The following SLC25A37 variants were observed in gnomAD, a reference collection of about 807,000 sequenced individuals.
The protein encoded by SLC25A37 is solute carrier family 25 member 37, also known as mitoferrin-1.
In SLC25A37, 17 loss-of-function variants were observed where a neutral mutation model predicts 31.0. The observed-to-expected ratio is 0.55, with a 90% CI of 0.38 to 0.82. SLC25A37 has a LOEUF of 0.82. Among genes scored for constraint, SLC25A37 ranks in the 40% least tolerant of loss-of-function variants. The pLI is 0.00. For missense variants in SLC25A37, 404 were observed against 465.8 expected (o/e 0.87, Z 1.22); for synonymous variants, 222 against 193.0 (o/e 1.15, Z -1.24).
chr8:23,567,826 GTTTTTTTTTTTTTT>G (rs542715318), intron 2 of SLC25A37: 5 of 111,632 alleles, frequency 4.5e-5, no homozygotes, highest in Admixed American at 1.8e-4. Flanking sequence ...CTCTTGCCCA[GTTTTTTTTTTTTTT>G]TTTTTTTTTT....
At chr8:23,566,665 C>A in intron 2 of SLC25A37, 1 of 1,061,420 alleles carries the variant, frequency 9.4e-7, no homozygotes, top group Non-Finnish European at 1.1e-6. Flanking sequence ...AATTAATGAT[C>A]AGACATAGGA....
At chr8:23,569,605 CCAT>C (rs1802767148) in intron 3 of SLC25A37, among the ~76,000 whole-genome samples, 1 of 152,226 alleles carries the variant, frequency 6.6e-6, no homozygotes, top group African/African-American at 2.4e-5. Context: ...CGCAGTGTGT[CCAT>C]CACTGTTCTT....
intron 3 of SLC25A37, among the ~76,000 whole-genome samples, chr8:23,570,427 G>T (rs1802792642): frequency 6.6e-6 from 1 of 151,884 alleles, no homozygotes; most frequent in Non-Finnish European, 1.5e-5. Context: ...GGGGTGGGGT[G>T]GAGAGGAAAC....
At chr8:23,531,048 G>T (rs1440820592) in intron 1 of SLC25A37, among the ~76,000 whole-genome samples, 1 of 152,212 alleles carries the variant, frequency 6.6e-6, no homozygotes, top group Admixed American at 6.5e-5. Context: ...AATGGTAGAA[G>T]GAGCCGGTCT....
intron 1 of SLC25A37, among the ~76,000 whole-genome samples, chr8:23,534,978 C>T (rs1290657542): frequency 6.6e-6 from 1 of 152,218 alleles, no homozygotes; most frequent in African/African-American, 2.4e-5. Flanking sequence ...TTCGTCCCCA[C>T]CCGACTCAAG....
At chr8:23,535,248 T>A (rs1275302333) in intron 1 of SLC25A37, among the ~76,000 whole-genome samples, 1 of 152,184 alleles carries the variant, frequency 6.6e-6, no homozygotes, top group African/African-American at 2.4e-5. Flanking sequence ...CTGCCTCCAA[T>A]GCGCATGCTC....
intron 1 of SLC25A37, among the ~76,000 whole-genome samples, chr8:23,541,069 G>A (rs1801882460): frequency 6.6e-6 from 1 of 152,220 alleles, no homozygotes; most frequent in Admixed American, 6.5e-5. Flanking sequence ...TCTCCCATCT[G>A]TTGAGCCAAG....
rs1042202108 is a variant in SLC25A37, at chr8:23,573,725, C to T, written c.*1870C>T. On this transcript the variant is annotated 3_prime_UTR_variant, in exon 4 of 4. Transcript: ENST00000519973. ...GGATGGGAAAGAGCCAAACTGGGTA[C>T]CTCCCACGTGTGCCCCGTGAACAGC... The T allele has an allele frequency of 6.8e-6, 3 of 441,760 alleles. No homozygotes were observed. The highest frequency in any genetic ancestry group is 4.0e-5 in the African/African-American group (2 of 49,692). The allele number at this position is 441,760 out of a possible 1,614,324, so 27.4% of individuals were successfully genotyped here. A position where few individuals can be genotyped will look rare whatever the true frequency, so the allele number is the denominator to read the frequency against.
intron 1 of SLC25A37, among the ~76,000 whole-genome samples, chr8:23,546,534 TATATATATATATATATATA>T (rs1802051079): frequency 4.6e-4 from 3 of 6,500 alleles, no homozygotes; most frequent in Admixed American, 2.6e-3. Context: ...TATAGGTGTA[TATATATATATATATATATA>T]GTGTATATAT....
In SLC25A37 at chr8:23,571,659, A is replaced by G; in HGVS notation, c.821A>G (p.Asn274Ser). 1.9e-6 allele frequency: 3 copies of G among 1,613,940 alleles called. No homozygotes were observed. The highest frequency in any genetic ancestry group is 1.1e-5 in the South Asian group (1 of 91,076). The change falls in exon 4 of 4, where the codon AAC becomes AGC. Residue 274 changes from asparagine to serine, a missense_variant. Asn to Ser is a conservative substitution (Grantham distance 46, BLOSUM62 1). Around this residue, in one of 3 missense-constraint regions of SLC25A37, gnomAD observed 243 missense variants for 284.4 expected, o/e 0.85. Coordinates refer to ENST00000519973, the MANE Select transcript of SLC25A37 (RefSeq NM_016612.4). The stretch of plus-strand genomic sequence containing the variant: ...GAGAACGTGGCCCTCTCGCTGGCCA[A>G]CATCAGCGGCCGGCTGTCGGGTATG... The part of the protein sequence containing the change: ...TQENVALSLA[N>S]ISGRLSGMAN...
At chr8:23,536,540 A>G (rs1160450423) in intron 1 of SLC25A37, among the ~76,000 whole-genome samples, 2 of 150,936 alleles carry the variant, frequency 1.3e-5, no homozygotes, top group Non-Finnish European at 3.0e-5. Flanking sequence ...CTTCCACCTC[A>G]TTTTCCCCAG....
At chr8:23,542,442 G>A (rs577881106) in intron 1 of SLC25A37, among the ~76,000 whole-genome samples, 7 of 145,402 alleles carry the variant, frequency 4.8e-5, no homozygotes, top group South Asian at 2.2e-4. Flanking sequence ...GAAGTGGCGC[G>A]ATCTCGGCTT....
At position 23,572,620 on chromosome 8, in the gene SLC25A37, C is replaced by CT. The variant is rs5890117; in HGVS notation, c.*774dup. On this transcript the variant is annotated 3_prime_UTR_variant, in exon 4 of 4. Coordinates refer to ENST00000519973, the MANE Select transcript of SLC25A37 (RefSeq NM_016612.4). The stretch of plus-strand genomic sequence containing the variant: ...ATAATGATATGTCACTTGCAGCTAC[C>CT]TTTTTTTTTCTTTTAAATTCAATCA... 0.62 allele frequency: 93,803 copies of CT among 151,298 alleles called. 30,315 individuals are homozygous for CT. Among genetic ancestry groups the CT allele is most frequent in the African/African-American group, 0.79 (32,572 of 41,112 alleles). 9.4% of individuals were successfully genotyped at this position (151,298 alleles called of 1,614,324 possible).
intron 1 of SLC25A37, among the ~76,000 whole-genome samples, chr8:23,538,464 G>C (rs1027519740): frequency 7.3e-5 from 11 of 150,114 alleles, no homozygotes; most frequent in African/African-American, 2.7e-4. Flanking sequence ...TTTTGCATTG[G>C]TTTTGAATCC....
chr8:23,561,653 C>G (rs1408126720), intron 1 of SLC25A37, among the ~76,000 whole-genome samples: 5 of 152,238 alleles, frequency 3.3e-5, no homozygotes, highest in African/African-American at 1.2e-4. Flanking sequence ...CAGCCACTCC[C>G]TCCATAGGTC....
chr8:23,560,659 G>A (rs1263042765), intron 1 of SLC25A37, among the ~76,000 whole-genome samples: 1 of 152,138 alleles, frequency 6.6e-6, no homozygotes, highest in African/African-American at 2.4e-5. Flanking sequence ...TGCGCTTCTG[G>A]GCCACTTGCC....
chr8:23,529,689 C>G lies in SLC25A37; in HGVS notation c.210+477C>G, dbSNP rs1425124291. On this transcript the variant is annotated intron_variant, in intron 1 of 3. Transcript: ENST00000519973. This position sits in a 1 kb window ranked among gnomAD's most constrained non-coding sequence, Gnocchi z 4.1. ...CGTGTGGCCCTGGCCCGGCCGCGCGCCCTCGGGACTTGGTGTGTGGCTGCT... is the reference window on the plus strand; with the variant it reads ...CGTGTGGCCCTGGCCCGGCCGCGCGGCCTCGGGACTTGGTGTGTGGCTGCT... Among the ~76,000 whole-genome samples the G allele has an allele frequency of 1.3e-5, 2 of 152,220 alleles. No homozygotes were observed. Among genetic ancestry groups the G allele is most frequent in the Non-Finnish European group, 2.9e-5 (2 of 68,036 alleles).
intron 1 of SLC25A37, among the ~76,000 whole-genome samples, chr8:23,546,532 TATATATATATATATATATATA>T (rs1364239833): frequency 0.014 from 68 of 4,794 alleles, no homozygotes; most frequent in South Asian, 0.033. Context: ...TATATAGGTG[TATATATATATATATATATATA>T]GTGTATATAT....
chr8:23,571,971 G>C lies in SLC25A37; in HGVS notation c.*116G>C. On this transcript the variant is annotated 3_prime_UTR_variant, in exon 4 of 4. Transcript: ENST00000519973. Reference sequence around the variant, plus strand: ...GCAGGGTGCTGCCTATGGGCCCTCTGCTCCCCAATGCCTTAGAGAGAGGAG... The same window carrying C: ...GCAGGGTGCTGCCTATGGGCCCTCTCCTCCCCAATGCCTTAGAGAGAGGAG... The C allele has an allele frequency of 8.8e-7, 1 of 1,140,534 alleles. No homozygotes were observed. The highest frequency in any genetic ancestry group is 1.2e-6 in the Non-Finnish European group (1 of 807,526). The allele number at this position is 1,140,534 out of a possible 1,614,324, so 70.7% of individuals were successfully genotyped here. A position where few individuals can be genotyped will look rare whatever the true frequency, so the allele number is the denominator to read the frequency against.
Sources: gnomAD v4.1 joint callset for allele counts (sites outside exome capture counted in the v4.1 genomes callset) on GRCh38, gnomAD v4.1.1 for gene constraint, gnomAD v4.1.1 regional missense constraint, Gnocchi (gnomAD v3.1) non-coding constraint, MANE v1.5 for transcripts, NCBI Gene and HGNC (gene_info 2026-07-23, HGNC 2026-07-21) for gene names.